PTPRB: variants seen among roughly 807,000 people sequenced by gnomAD.
PTPRB encodes protein tyrosine phosphatase receptor type B.
PTPRB carries 97 observed loss-of-function variants against 238.1 expected under a neutral mutation model. The ratio of observed to expected loss-of-function variants is 0.41; its 90% CI spans 0.35 to 0.48. The LOEUF is 0.48. PTPRB is among the 20% of genes least tolerant of loss of function. The pLI is 0.30. For synonymous variants in PTPRB, 970 were observed against 995.4 expected (o/e 0.97, Z 0.48); for missense variants, 2,292 against 2,681.9 (o/e 0.85, Z 3.21).
At chr12:70,547,390 C>G (rs1295041973) in intron 21 of PTPRB, among the ~76,000 whole-genome samples, 1 of 152,234 alleles carries the variant, frequency 6.6e-6, no homozygotes, top group Non-Finnish European at 1.5e-5. Flanking sequence ...TGCTAACCAC[C>G]ATAACACCAA....
intron 18 of PTPRB, among the ~76,000 whole-genome samples, chr12:70,557,123 A>G (rs939751917): frequency 2.6e-5 from 4 of 152,152 alleles, no homozygotes; most frequent in African/African-American, 9.7e-5. Context: ...CAGAGGTGAC[A>G]CTCTGCCAAG....
intron 4 of PTPRB, chr12:70,608,762 G>T (rs2717429): frequency 0.49 from 162,470 of 331,178 alleles, 42,154 homozygotes; most frequent in African/African-American, 0.71. Context: ...CAATGGAAGC[G>T]TAAACCACAT....
chr12:70,612,988 A>G (rs1393585906), intron 3 of PTPRB, among the ~76,000 whole-genome samples: 1 of 152,150 alleles, frequency 6.6e-6, no homozygotes, highest in Non-Finnish European at 1.5e-5. Context: ...ACCTTCTCTC[A>G]AAAAAAGTTA....
intron 10 of PTPRB, among the ~76,000 whole-genome samples, chr12:70,579,300 T>C (rs1467960299): frequency 6.6e-6 from 1 of 152,202 alleles, no homozygotes; most frequent in African/African-American, 2.4e-5. Context: ...CTAGGCCTCC[T>C]GATTTCCATG....
Position 70,562,908 on chromosome 12 carries a change from G to C in PTPRB, c.4104C>G (p.Tyr1368Ter). Reference protein sequence around the residue: ...SFQNLLQGRMYKMVIVTHSGE... With the variant: ...SFQNLLQGRM ...CACTGTGAGTTACAATCACCATCTT[G>C]TACATTCTGCCTTGTAGCAAGTTCT... The change falls in exon 16 of 34, where the codon TAC (tyrosine) becomes TAG (stop). Residue 1368 changes from tyrosine (Y) to a stop codon, truncating the protein, a stop_gained. Coordinates refer to ENST00000334414, the MANE Select transcript of PTPRB (RefSeq NM_001109754.4). LOFTEE classifies it high-confidence loss of function. The C allele has an allele frequency of 6.2e-7, 1 of 1,613,978 alleles. No individual in the cohort carries two copies. The highest frequency in any genetic ancestry group is 8.5e-7 in the Non-Finnish European group (1 of 1,179,874).
rs758670873 is a variant in PTPRB, at chr12:70,519,054, C to T, written c.*2435G>A. ...TATTTAGTCTTCCCAGGAGTAGGAGCGAATAGTGAAATATTTGTTGCTAAG... is the reference window on the plus strand; with the variant it reads ...TATTTAGTCTTCCCAGGAGTAGGAGTGAATAGTGAAATATTTGTTGCTAAG... On this transcript the variant is annotated 3_prime_UTR_variant, in exon 34 of 34. Coordinates refer to ENST00000334414, the MANE Select transcript of PTPRB (RefSeq NM_001109754.4). 6.6e-6 allele frequency: 1 copy of T among 151,872 alleles called. No individual in the cohort carries two copies. Among genetic ancestry groups the T allele is most frequent in the Non-Finnish European group, 1.5e-5 (1 of 68,006 alleles). The allele number at this position is 151,872 out of a possible 1,614,324, so 9.4% of individuals were successfully genotyped here.
chr12:70,580,470 A>G (rs986503682), intron 10 of PTPRB, among the ~76,000 whole-genome samples: 2 of 152,228 alleles, frequency 1.3e-5, no homozygotes, highest in African/African-American at 4.8e-5. Flanking sequence ...AAATCAACTG[A>G]ATAGGGGGAT....
At chr12:70,550,493 T>TGAC (rs1876718236) in intron 21 of PTPRB, among the ~76,000 whole-genome samples, 1 of 152,168 alleles carries the variant, frequency 6.6e-6, no homozygotes, top group Non-Finnish European at 1.5e-5. Context: ...AGAAGGGACA[T>TGAC]GACTAGGTTT....
At chr12:70,552,103 T>C (rs1876968020) in intron 21 of PTPRB, among the ~76,000 whole-genome samples, 1 of 152,202 alleles carries the variant, frequency 6.6e-6, no homozygotes, top group African/African-American at 2.4e-5. Flanking sequence ...TAACTTCATA[T>C]TGTTTTTGGA....
intron 2 of PTPRB, among the ~76,000 whole-genome samples, chr12:70,626,292 CATCCATCTATCT>C (rs1373227963): frequency 0.09 from 10,448 of 115,668 alleles, 639 homozygotes; most frequent in African/African-American, 0.12. Context: ...GATGTCTATC[CATCCATCTATCT>C]ATCTATCTAT....
At chr12:70,571,727 G>T in intron 12 of PTPRB, 97 bp downstream of exon 12, 1 of 1,330,242 alleles carries the variant, frequency 7.5e-7, no homozygotes. Flanking sequence ...GGAATGTAAT[G>T]TACTAATGAA....
At chr12:70,632,759 A>G (rs960834393) in intron 2 of PTPRB, among the ~76,000 whole-genome samples, 4 of 152,208 alleles carry the variant, frequency 2.6e-5, no homozygotes, top group Non-Finnish European at 5.9e-5. Flanking sequence ...TGCACATCAG[A>G]ATCACCTAGG....
At chr12:70,536,225 T>G in intron 28 of PTPRB, 66 bp from the exon 29 acceptor site, 1 of 1,525,370 alleles carries the variant, frequency 6.6e-7, no homozygotes, top group Non-Finnish European at 8.9e-7. Flanking sequence ...AAACAAAGAG[T>G]TCTTCAGATT....
intron 3 of PTPRB, among the ~76,000 whole-genome samples, chr12:70,611,422 G>A (rs1329809364): frequency 6.6e-6 from 1 of 152,130 alleles, no homozygotes; most frequent in Non-Finnish European, 1.5e-5. Flanking sequence ...CCGTGTAGCT[G>A]GGATTACAGG....
At chr12:70,632,877 TG>T (rs1885518824) in intron 2 of PTPRB, among the ~76,000 whole-genome samples, 1 of 152,188 alleles carries the variant, frequency 6.6e-6, no homozygotes, top group African/African-American at 2.4e-5. Context: ...ATATGCAGCT[TG>T]GGTCAAAAAT....
At position 70,597,620 on chromosome 12, in the gene PTPRB, A is replaced by C. The variant is rs1035482008; in HGVS notation, c.980-1293T>G. Among the ~76,000 whole-genome samples, 59 of 152,200 alleles carry C rather than the reference A, an allele frequency of 3.9e-4. 3 individuals carry two copies. Among genetic ancestry groups the C allele is most frequent in the Admixed American group, 2.6e-4 (4 of 15,278 alleles). ...AAGTGGGATCAAGATATTGGAGACC[A>C]ATATTGAAGGGTCAGGTCAGATATT... On this transcript the variant is annotated intron_variant, in intron 4 of 33. Coordinates refer to ENST00000334414, the MANE Select transcript of PTPRB (RefSeq NM_001109754.4).
rs189605212 is a variant in PTPRB, at chr12:70,571,072, C to A, written c.3324G>T (p.Thr1108=). ...CTGACTGCTGTACATCCCCGCTAAT[C>A]GTCAAGACAAGAATTTTGTATTGGC... is the stretch of plus-strand genomic sequence containing the variant. ...PGRQYKILVL[T]ISGDVQQSAF... Residue 1108 remains threonine, a synonymous_variant, in exon 13 of 34, where the codon ACG becomes ACT. Transcript: ENST00000334414. 1 of 1,614,002 alleles carries A rather than the reference C, an allele frequency of 6.2e-7. No individual in the cohort carries two copies. The highest frequency in any genetic ancestry group is 8.5e-7 in the Non-Finnish European group (1 of 1,179,900).
chr12:70,631,473 A>T (rs1885448840), intron 2 of PTPRB, among the ~76,000 whole-genome samples: 1 of 152,170 alleles, frequency 6.6e-6, no homozygotes, highest in African/African-American at 2.4e-5. Context: ...AACCATAAAA[A>T]CCCTAGAAGA....
At chr12:70,622,965 A>C (rs1885015156) in intron 2 of PTPRB, among the ~76,000 whole-genome samples, 1 of 151,900 alleles carries the variant, frequency 6.6e-6, no homozygotes. Context: ...GGGGTCACTG[A>C]ATTGGCTTCA....
Sources: allele counts gnomAD v4.1 joint callset (sites outside exome capture counted in the v4.1 genomes callset), GRCh38; gene constraint gnomAD v4.1.1; transcripts MANE v1.5; gene names NCBI Gene and HGNC (gene_info 2026-07-23, HGNC 2026-07-21).